Variants in HEMK2 observed in about 807,000 individuals in gnomAD.
The protein encoded by HEMK2 is HemK methyltransferase 2, ETF1 glutamine and histone H4 lysine, also known as methyltransferase HEMK2.
the HEMK2 span, among the ~76,000 whole-genome samples, chr21:28,724,877 G>T: frequency 2.6e-5 from 4 of 152,146 alleles, no homozygotes; most frequent in African/African-American, 9.7e-5. Context: ...TACCTCCTGG[G>T]TTCAAGTGAT....
At chr21:28,811,252 AAGAAAGAAAGAAAGAAAG>A in the HEMK2 span, among the ~76,000 whole-genome samples, 2 of 148,074 alleles carry the variant, frequency 1.4e-5, no homozygotes, top group African/African-American at 5.0e-5. Flanking sequence ...AGAAAGAGGA[AAGAAAGAAAGAAAGAAAG>A]AGAAAGAAAG....
At chr21:28,665,777 A>T in the HEMK2 span, among the ~76,000 whole-genome samples, 2 of 152,160 alleles carry the variant, frequency 1.3e-5, no homozygotes, top group South Asian at 4.1e-4. Flanking sequence ...CTATAAAGAC[A>T]CATGCACACG....
the HEMK2 span, among the ~76,000 whole-genome samples, chr21:28,616,490 T>C: frequency 1.3e-5 from 2 of 152,306 alleles, no homozygotes; most frequent in East Asian, 3.9e-4. Flanking sequence ...CTTATTCTAA[T>C]AAAATATTAG....
chr21:28,681,887 T>C, the HEMK2 span, among the ~76,000 whole-genome samples: 4 of 152,204 alleles, frequency 2.6e-5, no homozygotes, highest in Admixed American at 6.5e-5. Flanking sequence ...TTACACCTTA[T>C]ACAAAAATTA....
At chr21:28,807,710 G>T in the HEMK2 span, among the ~76,000 whole-genome samples, 1 of 152,148 alleles carries the variant, frequency 6.6e-6, no homozygotes, top group Non-Finnish European at 1.5e-5. Flanking sequence ...TTTTTCAACA[G>T]CTAAGGTAAT....
the HEMK2 span, among the ~76,000 whole-genome samples, chr21:28,880,416 T>TA: frequency 0.17 from 26,174 of 152,166 alleles, 2,348 homozygotes; most frequent in South Asian, 0.23. Context: ...AACACTTACT[T>TA]ATACTAATTA....
At chr21:28,747,929 G>C in the HEMK2 span, among the ~76,000 whole-genome samples, 1 of 152,206 alleles carries the variant, frequency 6.6e-6, no homozygotes, top group Non-Finnish European at 1.5e-5. Flanking sequence ...GAACATCAGA[G>C]GAGCGTCTAT....
the HEMK2 span, among the ~76,000 whole-genome samples, chr21:28,600,225 C>T: frequency 2.3e-3 from 350 of 152,372 alleles, 3 homozygotes; most frequent in African/African-American, 7.6e-3. Flanking sequence ...ATGAGGGCTC[C>T]GCCCCTGCAG....
chr21:28,657,325 A>G, the HEMK2 span, among the ~76,000 whole-genome samples: 1 of 152,198 alleles, frequency 6.6e-6, no homozygotes, highest in African/African-American at 2.4e-5. Flanking sequence ...AAGTTACCTG[A>G]TCAGCTCCTA....
chr21:28,759,698 T>C, the HEMK2 span, among the ~76,000 whole-genome samples: 1 of 152,128 alleles, frequency 6.6e-6, no homozygotes, highest in Non-Finnish European at 1.5e-5. Flanking sequence ...CCCCACACTG[T>C]TCTAATGATA....
the HEMK2 span, among the ~76,000 whole-genome samples, chr21:28,880,775 T>TAA: frequency 4.1e-5 from 6 of 145,066 alleles, no homozygotes; most frequent in Admixed American, 1.4e-4. Context: ...ATTTTTTAAA[T>TAA]AAAAAAAAAA....
the HEMK2 span, among the ~76,000 whole-genome samples, chr21:28,753,144 G>A: frequency 3.3e-5 from 5 of 152,234 alleles, no homozygotes; most frequent in East Asian, 9.7e-4. Flanking sequence ...AGCACTTAAG[G>A]TCAGGAGTTG....
At chr21:28,778,876 T>C in the HEMK2 span, among the ~76,000 whole-genome samples, 2 of 152,200 alleles carry the variant, frequency 1.3e-5, no homozygotes, top group African/African-American at 2.4e-5. Flanking sequence ...TCCCAGTCTA[T>C]ATATTATATT....
the HEMK2 span, among the ~76,000 whole-genome samples, chr21:28,591,293 AAGTT>A: frequency 1.3e-5 from 2 of 152,182 alleles, no homozygotes; most frequent in African/African-American, 4.8e-5. Flanking sequence ...TTTCAAGAGA[AAGTT>A]AGCATGAAAA....
the HEMK2 span, among the ~76,000 whole-genome samples, chr21:28,846,290 T>C: frequency 2.6e-5 from 4 of 152,304 alleles, no homozygotes; most frequent in East Asian, 7.7e-4. Flanking sequence ...TAGAAATGAT[T>C]TCTATTCCTT....
At chr21:28,831,614 G>A in the HEMK2 span, among the ~76,000 whole-genome samples, 566 of 71,218 alleles carry the variant, frequency 7.9e-3, 2 homozygotes, top group Middle Eastern at 0.029. Context: ...AAGGAAAGAA[G>A]GAAAGAAGGA....
chr21:28,816,596 G>T, the HEMK2 span, among the ~76,000 whole-genome samples: 2 of 152,130 alleles, frequency 1.3e-5, no homozygotes, highest in Non-Finnish European at 2.9e-5. Context: ...CAGTAGGATC[G>T]CTTGAGCCCA....
the HEMK2 span, chr21:28,626,462 T>C: frequency 6.6e-6 from 1 of 152,086 alleles, no homozygotes; most frequent in Non-Finnish European, 1.5e-5. Context: ...TGGGAGCAAA[T>C]ATTTGAAATA....
chr21:28,626,313 T>C, the HEMK2 span, among the ~76,000 whole-genome samples: 1 of 152,202 alleles, frequency 6.6e-6, no homozygotes, highest in East Asian at 1.9e-4. Flanking sequence ...GTAGTAAACT[T>C]TGATAAGTTT....
Sources: allele counts gnomAD v4.1 joint callset (sites outside exome capture counted in the v4.1 genomes callset), GRCh38; gene constraint gnomAD v4.1.1; transcripts MANE v1.5; gene names NCBI Gene and HGNC (gene_info 2026-07-23, HGNC 2026-07-21).